Variants in CELSR3 observed in about 807,000 individuals in gnomAD.
CELSR3 encodes cadherin EGF LAG seven-pass G-type receptor 3.
CELSR3 carries 73 observed loss-of-function variants against 270.0 expected under a neutral mutation model. That is an observed-to-expected ratio of 0.27 (90% confidence interval 0.22 to 0.33). The LOEUF is 0.33. Among genes scored for constraint, CELSR3 ranks in the 10% least tolerant of loss-of-function variants. CELSR3 has a pLI of 1.00. For synonymous variants in CELSR3, 1,780 were observed against 1,905.4 expected, an observed-to-expected ratio of 0.93 and a Z score of 1.71; for missense variants, 3,614 against 4,533.8, an observed-to-expected ratio of 0.80 and a Z score of 5.83.
In CELSR3 at chr3:48,660,985, G is replaced by A. The variant is rs138985126; in HGVS notation, c.1650C>T (p.Tyr550=). The change falls in exon 1 of 35, where the codon TAC becomes TAT. Residue 550 remains tyrosine, a synonymous_variant. Coordinates refer to ENST00000164024, the MANE Select transcript of CELSR3 (RefSeq NM_001407.3). This position sits in a 1 kb window ranked among gnomAD's most constrained non-coding sequence, Gnocchi z 5.5. The stretch of plus-strand genomic sequence containing the variant: ...GCACATCCTCGCGCACCTGCGCCAC[G>A]TAGCGCTTCTCGCTGAACTGAGGAG... The part of the protein sequence containing the change: ...DNAPQFSEKR[Y]VAQVREDVRP... 459 of 1,613,800 alleles carry A rather than the reference G, an allele frequency of 2.8e-4. 2 individuals carry two copies. Among genetic ancestry groups the A allele is most frequent in the Non-Finnish European group, 2.9e-4 (346 of 1,180,048 alleles).
chr3:48,641,596 C>A lies in CELSR3; in HGVS notation c.8825-72G>T, dbSNP rs2047027126. ...GACTCATGACCCCTGACCCTAATGA[C>A]CCTTGAAACCCTGGCTGTTCTCATT... On this transcript the variant is annotated intron_variant, in intron 32 of 34. Transcript: ENST00000164024. The surrounding 1 kb of genome is among the most constrained non-coding windows in gnomAD (Gnocchi z 4.8). The A allele has an allele frequency of 8.7e-7, 1 of 1,150,756 alleles. No individual in the cohort carries two copies. Among genetic ancestry groups the A allele is most frequent in the South Asian group, 1.4e-5 (1 of 73,812 alleles). 71.3% of individuals were successfully genotyped at this position (1,150,756 alleles called of 1,614,324 possible).
Position 48,656,319 on chromosome 3 carries a change from G to A in CELSR3, c.4446C>T (p.Gly1482=). Residue 1482 remains glycine, a synonymous_variant, in exon 3 of 35, where the codon GGC becomes GGT. Transcript: ENST00000164024. ...LDTEAGRCVP[G]VCRNGGTCTD... ...TGCAGGTGCCCCCGTTGCGGCAGAC[G>A]CCCGGCACGCAGCGGCCGGCCTCGG... 2.1e-6 allele frequency: 3 copies of A among 1,458,780 alleles called. No individual in the cohort carries two copies. Among genetic ancestry groups the A allele is most frequent in the Non-Finnish European group, 2.7e-6 (3 of 1,119,190 alleles). 90.4% of individuals were successfully genotyped at this position (1,458,780 alleles called of 1,614,324 possible). A position where few individuals can be genotyped will look rare whatever the true frequency, so the allele number is the denominator to read the frequency against.
Position 48,645,476 on chromosome 3 carries a change from G to A in CELSR3, c.7764C>T (p.Leu2588=). 6.2e-7 allele frequency: 1 copy of A among 1,612,880 alleles called. No homozygotes were observed. The highest frequency in any genetic ancestry group is 1.1e-5 in the South Asian group (1 of 91,088). ...VAAALGVAEL[L]FLLGIHRTHN... ...GGGTCCTGTGAATCCCCAGCAGGAA[G>A]AGGAGCTCTGCCACCCCCAGGGCGG... The change falls in exon 24 of 35, where the codon CTC becomes CTT. Residue 2588 remains leucine, a synonymous_variant. Transcript: ENST00000164024. This position sits in a 1 kb window ranked among gnomAD's most constrained non-coding sequence, Gnocchi z 5.4.
chr3:48,658,727 T>C lies in CELSR3; in HGVS notation c.3748+160A>G, dbSNP rs1479230562. Among the ~76,000 whole-genome samples the C allele has an allele frequency of 1.3e-5, 2 of 152,142 alleles. No individual in the cohort carries two copies. Among genetic ancestry groups the C allele is most frequent in the Admixed American group, 6.5e-5 (1 of 15,286 alleles). ...TTATCCAGGAACCTAAGCAGAGTCC[T>C]TGTGAGGTCTGTGGCAGATCTTGTA... On this transcript the variant is annotated intron_variant, in intron 1 of 34. Transcript: ENST00000164024. The surrounding 1 kb of genome is among the most constrained non-coding windows in gnomAD (Gnocchi z 4.7).
intron 16 of CELSR3, 96 bp from the exon 17 acceptor site, chr3:48,649,311 G>T: frequency 9.6e-7 from 1 of 1,036,976 alleles, no homozygotes; most frequent in Non-Finnish European, 1.4e-6. Context: ...GAATCCCTGA[G>T]GCAGAAGTCA....
At position 48,640,938 on chromosome 3, in the gene CELSR3, G is replaced by C. The variant is rs191995880; in HGVS notation, c.9026-379C>G. 1.4e-3 allele frequency: 543 copies of C among 391,056 alleles called. 2 individuals are homozygous for C. The highest frequency in any genetic ancestry group is 0.01 in the African/African-American group (489 of 48,478). The allele number at this position is 391,056 out of a possible 1,614,324, so 24.2% of individuals were successfully genotyped here. On this transcript the variant is annotated intron_variant, in intron 33 of 34. Transcript: ENST00000164024. The surrounding 1 kb of genome is among the most constrained non-coding windows in gnomAD (Gnocchi z 7.5). ...CAGTCCCCAGGTCCCTGTGATGCAA[G>C]GGTGAGGGCAGAAACCTCTTCTCCG...
At position 48,651,187 on chromosome 3, in the gene CELSR3, G is replaced by A. The variant is rs562907444; in HGVS notation, c.6187-112C>T. 3.1e-5 allele frequency: 44 copies of A among 1,432,006 alleles called. 1 individual carries two copies. In the South Asian group the frequency reaches 4.8e-4, roughly 16 times the overall value. 88.7% of individuals were successfully genotyped at this position (1,432,006 alleles called of 1,614,324 possible). A position where few individuals can be genotyped will look rare whatever the true frequency, so the allele number is the denominator to read the frequency against. ...TGCTCATGGGCCAGAGGACACCTGG[G>A]TCATGCGTGAAGCCAAGGGAGGGGT... On this transcript the variant is annotated intron_variant, in intron 14 of 34. Coordinates refer to ENST00000164024, the MANE Select transcript of CELSR3 (RefSeq NM_001407.3). This position sits in a 1 kb window ranked among gnomAD's most constrained non-coding sequence, Gnocchi z 7.4.
At position 48,640,402 on chromosome 3, in the gene CELSR3, C is replaced by T; in HGVS notation, c.9183G>A (p.Gln3061=). The T allele has an allele frequency of 6.2e-7, 1 of 1,612,572 alleles. No homozygotes were observed. Among genetic ancestry groups the T allele is most frequent in the Non-Finnish European group, 8.5e-7 (1 of 1,179,906 alleles). The change falls in exon 34 of 35, where the codon CAG becomes CAA. Residue 3061 remains glutamine (Q), a synonymous_variant. Transcript: ENST00000164024. The surrounding 1 kb of genome is among the most constrained non-coding windows in gnomAD (Gnocchi z 7.5). ...CTCTAGAAGAGTAGCGGCTGGCTGG[C>T]TGTGAAAGGCTGCCCGTGCCCCCGC... ...YAGGGTGSLS[Q]PASRYSSREQ... is the part of the protein sequence containing the mutation.
In CELSR3 at chr3:48,642,175, G is replaced by A. The variant is rs1040509277; in HGVS notation, c.8666-166C>T. On this transcript the variant is annotated intron_variant, in intron 31 of 34. Transcript: ENST00000164024. The surrounding 1 kb of genome is among the most constrained non-coding windows in gnomAD (Gnocchi z 6.1). ...CAGAAGGGCTGGGACTTATCAGAGG[G>A]AAGGACGAATCAGGAGTGGACTGGG... 2 of 877,548 alleles carry A rather than the reference G, an allele frequency of 2.3e-6. No homozygotes were observed. The highest frequency in any genetic ancestry group is 3.4e-6 in the Non-Finnish European group (2 of 588,502). The allele number at this position is 877,548 out of a possible 1,614,324, so 54.4% of individuals were successfully genotyped here. A position where few individuals can be genotyped will look rare whatever the true frequency, so the allele number is the denominator to read the frequency against.
At chr3:48,638,315 C>T (rs1166952815) in intron 34 of CELSR3, 83 bp from the exon 35 acceptor site, 1 of 1,008,164 alleles carries the variant, frequency 9.9e-7, no homozygotes, top group Non-Finnish European at 1.6e-6. Context: ...CACATTTGGC[C>T]TGGCTGCTTC....
In CELSR3 at chr3:48,659,739, A is replaced by T; in HGVS notation, c.2896T>A (p.Tyr966Asn). 1 of 1,614,216 alleles carries T rather than the reference A, an allele frequency of 6.2e-7. No homozygotes were observed. Among genetic ancestry groups the T allele is most frequent in the Non-Finnish European group, 8.5e-7 (1 of 1,180,044 alleles). The part of the protein sequence containing the change: ...DNAPQFVASH[Y>N]TGLVSEDAPP... ...GCATCCTCAGAGACCAGCCCTGTATAGTGGGAGGCCACAAATTGTGGAGCA... is the reference window on the plus strand; with the variant it reads ...GCATCCTCAGAGACCAGCCCTGTATTGTGGGAGGCCACAAATTGTGGAGCA... The change falls in exon 1 of 35, where the codon TAT becomes AAT. Residue 966 changes from tyrosine to asparagine, a missense_variant. Transcript: ENST00000164024. This position sits in a 1 kb window ranked among gnomAD's most constrained non-coding sequence, Gnocchi z 8.1.
In CELSR3 at chr3:48,662,596, TC is replaced by T; in HGVS notation, c.38del (p.Gly13AspfsTer34). 1 of 1,438,566 alleles carries T rather than the reference TC, an allele frequency of 7.0e-7. No individual in the cohort carries two copies. The highest frequency in any genetic ancestry group is 9.2e-7 in the Non-Finnish European group (1 of 1,086,184). 89.1% of individuals were successfully genotyped at this position (1,438,566 alleles called of 1,614,324 possible). A position where few individuals can be genotyped will look rare whatever the true frequency, so the allele number is the denominator to read the frequency against. On this transcript the variant is annotated frameshift_variant, in exon 1 of 35. Coordinates refer to ENST00000164024, the MANE Select transcript of CELSR3 (RefSeq NM_001407.3). LOFTEE classifies it high-confidence loss of function. This position sits in a 1 kb window ranked among gnomAD's most constrained non-coding sequence, Gnocchi z 7.1. ...GGAGCAGGAGTATGGGGGTCGACCGTCCCCCGAGGCCCCGCCACGGCGGCCG... is the reference window on the plus strand; with the variant it reads ...GGAGCAGGAGTATGGGGGTCGACCGTCCCCGAGGCCCCGCCACGGCGGCCG... The part of the protein sequence containing the change: ...ARRPPWRGLG[G>X]RSTPILLLLL...
At chr3:48,643,158 A>C (rs1440350123) in intron 28 of CELSR3, 75 bp from the exon 29 acceptor site, 1 of 982,984 alleles carries the variant, frequency 1.0e-6, no homozygotes, top group Non-Finnish European at 1.6e-6. Flanking sequence ...GTGGGTCAGC[A>C]ATGGGGTCAG....
chr3:48,659,626 A>C lies in CELSR3; in HGVS notation c.3009T>G (p.Gly1003=). The change falls in exon 1 of 35, where the codon GGT becomes GGG. Residue 1003 remains glycine (G), a synonymous_variant. Coordinates refer to ENST00000164024, the MANE Select transcript of CELSR3 (RefSeq NM_001407.3). The surrounding 1 kb of genome is among the most constrained non-coding windows in gnomAD (Gnocchi z 8.1). ...NGRVQYTFQN[G]EDGDGDFTIE... is the part of the protein sequence containing the mutation. ...TGGTAAAATCTCCATCCCCATCTTCACCATTCTGGAAAGTGTACTGGACCC... is the reference window on the plus strand; with the variant it reads ...TGGTAAAATCTCCATCCCCATCTTCCCCATTCTGGAAAGTGTACTGGACCC... 6.2e-7 allele frequency: 1 copy of C among 1,614,122 alleles called. No homozygotes were observed. The highest frequency in any genetic ancestry group is 8.5e-7 in the Non-Finnish European group (1 of 1,180,012).
At chr3:48,638,633 G>C (rs1306553649) in intron 34 of CELSR3, among the ~76,000 whole-genome samples, 1 of 152,066 alleles carries the variant, frequency 6.6e-6, no homozygotes, top group Non-Finnish European at 1.5e-5. Context: ...GTAAGACACA[G>C]AGCTCAAACT....
In CELSR3 at chr3:48,646,277, G is replaced by C. The variant is rs1273646567; in HGVS notation, c.7296-20C>G. ...GGAAGCCTGGGGAGACACCCATCTG[G>C]GCTTACGCACTGCTGACCTCCCCAT... On this transcript the variant is annotated intron_variant, in intron 21 of 34. Coordinates refer to ENST00000164024, the MANE Select transcript of CELSR3 (RefSeq NM_001407.3). The surrounding 1 kb of genome is among the most constrained non-coding windows in gnomAD (Gnocchi z 4.8). 1.2e-6 allele frequency: 2 copies of C among 1,601,906 alleles called. No homozygotes were observed. Among genetic ancestry groups the C allele is most frequent in the East Asian group, 2.2e-5 (1 of 44,676 alleles).
rs549434727 is a variant in CELSR3 at position 48,637,166 on chromosome 3, G to C, written c.*1039C>G. Reference sequence around the variant, plus strand: ...AAGTAAGAGTTTTGTGAACAGGGTCGTAACAGTCATTTTTCCCTTTTTAAG... The same window carrying C: ...AAGTAAGAGTTTTGTGAACAGGGTCCTAACAGTCATTTTTCCCTTTTTAAG... On this transcript the variant is annotated 3_prime_UTR_variant, in exon 35 of 35. Coordinates refer to ENST00000164024, the MANE Select transcript of CELSR3 (RefSeq NM_001407.3). 1.3e-5 allele frequency: 2 copies of C among 152,696 alleles called. No homozygotes were observed. The highest frequency in any genetic ancestry group is 3.9e-4 in the East Asian group (2 of 5,192). 9.5% of individuals were successfully genotyped at this position (152,696 alleles called of 1,614,324 possible). A position where few individuals can be genotyped will look rare whatever the true frequency, so the allele number is the denominator to read the frequency against.
Position 48,646,267 on chromosome 3 carries a change from C to T in CELSR3, c.7296-10G>A. The T allele has an allele frequency of 6.2e-7, 1 of 1,607,434 alleles. No homozygotes were observed. The highest frequency in any genetic ancestry group is 8.5e-7 in the Non-Finnish European group (1 of 1,176,424). On this transcript the variant is annotated splice_polypyrimidine_tract_variant and intron_variant, in intron 21 of 34. Coordinates refer to ENST00000164024, the MANE Select transcript of CELSR3 (RefSeq NM_001407.3). This position sits in a 1 kb window ranked among gnomAD's most constrained non-coding sequence, Gnocchi z 4.8. ...GGGGTTCTGAGGAAGCCTGGGGAGA[C>T]ACCCATCTGGGCTTACGCACTGCTG...
At chr3:48,638,284 G>A in intron 34 of CELSR3, 52 bp from the exon 35 acceptor site, 1 of 1,447,206 alleles carries the variant, frequency 6.9e-7, no homozygotes, top group East Asian at 2.3e-5. Flanking sequence ...CTCCGAGTCA[G>A]GCGGCTCTGG....
Sources: gnomAD v4.1 joint callset for allele counts (sites outside exome capture counted in the v4.1 genomes callset) on GRCh38, gnomAD v4.1.1 for gene constraint, Gnocchi (gnomAD v3.1) non-coding constraint, MANE v1.5 for transcripts, NCBI Gene and HGNC (gene_info 2026-07-23, HGNC 2026-07-21) for gene names.